Variants in RAB33B observed in about 807,000 individuals in gnomAD.
RAB33B encodes the protein RAB33B, member RAS oncogene family, also known as ras-related protein Rab-33B.
RAB33B carries 6 observed loss-of-function variants against 15.0 expected under a neutral mutation model. The observed-to-expected ratio is 0.40, with a 90% CI of 0.22 to 0.79. The LOEUF (loss-of-function observed/expected upper bound fraction) is 0.79. RAB33B is among the 30% of genes least tolerant of loss of function. The pLI is 0.37. For synonymous variants in RAB33B, 117 were observed against 108.3 expected (o/e 1.08, Z -0.50); for missense variants, 257 against 296.4 (o/e 0.87, Z 0.98).
chr4:139,457,920 A>G (rs1446608456), intron 1 of RAB33B, among the ~76,000 whole-genome samples: 1 of 152,108 alleles, frequency 6.6e-6, no homozygotes, highest in Non-Finnish European at 1.5e-5. Flanking sequence ...CACACTTTCT[A>G]TTAACTGTCT....
intron 1 of RAB33B, among the ~76,000 whole-genome samples, chr4:139,470,257 A>G (rs1216637616): frequency 6.6e-6 from 1 of 152,204 alleles, no homozygotes; most frequent in Non-Finnish European, 1.5e-5. Flanking sequence ...CTGGCACTCA[A>G]ACTGCATGAC....
At chr4:139,448,638 G>C (rs1302217832), upstream of RAB33B, 2 of 152,108 alleles carry the variant, frequency 1.3e-5, no homozygotes, top group Non-Finnish European at 2.9e-5. Flanking sequence ...GGCTGGTCCT[G>C]AACTCCTGAT....
chr4:139,442,099 T>G, the RAB33B span, among the ~76,000 whole-genome samples: 2 of 152,196 alleles, frequency 1.3e-5, no homozygotes, highest in Non-Finnish European at 1.5e-5. Context: ...AGCTTCCAAT[T>G]AGATGAATTT....
upstream of RAB33B, chr4:139,453,838 G>A (rs1749997924): frequency 5.4e-6 from 1 of 183,612 alleles, no homozygotes; most frequent in South Asian, 1.7e-4. Context: ...CCTTGGACGT[G>A]GCGGGGCTGG....
At chr4:139,456,570 T>C (rs1340979975) in intron 1 of RAB33B, among the ~76,000 whole-genome samples, 1 of 152,212 alleles carries the variant, frequency 6.6e-6, no homozygotes, top group African/African-American at 2.4e-5. Context: ...ATAATTCTGG[T>C]TGGGAAGAGC....
the RAB33B span, among the ~76,000 whole-genome samples, chr4:139,447,816 G>A: frequency 2.6e-5 from 4 of 151,556 alleles, no homozygotes; most frequent in Non-Finnish European, 4.4e-5. Flanking sequence ...ACAGGCGCCC[G>A]CCACTACGCC....
chr4:139,466,590 T>G (rs1403530816), intron 1 of RAB33B, among the ~76,000 whole-genome samples: 2 of 152,008 alleles, frequency 1.3e-5, no homozygotes, highest in Admixed American at 6.6e-5. Context: ...TTTTCTTTTT[T>G]TTTTTTGAGA....
At chr4:139,469,334 T>G (rs1021332328) in intron 1 of RAB33B, among the ~76,000 whole-genome samples, 2 of 152,200 alleles carry the variant, frequency 1.3e-5, no homozygotes, top group African/African-American at 4.8e-5. Flanking sequence ...CTTGATCAGT[T>G]CTGCTGTTAA....
At chr4:139,447,561 G>A in the RAB33B span, among the ~76,000 whole-genome samples, 78 of 152,084 alleles carry the variant, frequency 5.1e-4, no homozygotes, top group Non-Finnish European at 8.1e-4. Flanking sequence ...CTGGACACTT[G>A]GGGCTCCTCC....
intron 1 of RAB33B, among the ~76,000 whole-genome samples, chr4:139,463,782 C>T (rs1425445748): frequency 3.3e-5 from 5 of 152,234 alleles, no homozygotes; most frequent in Non-Finnish European, 4.4e-5. Flanking sequence ...CGTGTATTGG[C>T]TGGGTCTCTC....
chr4:139,464,365 A>G (rs1750233302), intron 1 of RAB33B, among the ~76,000 whole-genome samples: 1 of 139,596 alleles, frequency 7.2e-6, no homozygotes, highest in African/African-American at 2.6e-5. Context: ...TTTGAACGGG[A>G]TTGATGGGAA....
chr4:139,471,579 C>A (rs978686423), intron 1 of RAB33B, among the ~76,000 whole-genome samples: 3 of 144,884 alleles, frequency 2.1e-5, no homozygotes, highest in African/African-American at 7.8e-5. Context: ...CCTTGCGGGG[C>A]AGTTGGGGAC....
chr4:139,439,780 T>A, the RAB33B span, among the ~76,000 whole-genome samples: 3 of 152,236 alleles, frequency 2.0e-5, no homozygotes, highest in Non-Finnish European at 4.4e-5. Context: ...GTTTTCTGAC[T>A]CTTTCTTCTA....
chr4:139,469,158 C>T (rs1183736613), intron 1 of RAB33B, among the ~76,000 whole-genome samples: 1 of 152,174 alleles, frequency 6.6e-6, no homozygotes, highest in East Asian at 1.9e-4. Flanking sequence ...CTGTCTCTGT[C>T]TCTTTCTCTA....
At chr4:139,453,951 C>T, upstream of RAB33B, 1 of 378,296 alleles carries the variant, frequency 2.6e-6, no homozygotes, top group Non-Finnish European at 4.6e-6. Flanking sequence ...CGGCGCCAGC[C>T]CGAGTGACGC....
chr4:139,451,345 T>G (rs1749917927), upstream of RAB33B: 1 of 149,110 alleles, frequency 6.7e-6, no homozygotes, highest in African/African-American at 2.5e-5. Context: ...GAAGTAGAGG[T>G]GTACACAACC....
chr4:139,455,625 C>T (rs2111069259), intron 1 of RAB33B, among the ~76,000 whole-genome samples: 1 of 152,218 alleles, frequency 6.6e-6, no homozygotes, highest in Non-Finnish European at 1.5e-5. Context: ...CCCATATGAG[C>T]TCTCAGTGGT....
rs529499632 is a variant in RAB33B at position 139,475,674 on chromosome 4, T to G, written c.*2548T>G. ...AAAAATCTGTAGAATTTATTTTAACTATGACCTTTAATTGAAAATAAATAA... is the reference window on the plus strand; with the variant it reads ...AAAAATCTGTAGAATTTATTTTAACGATGACCTTTAATTGAAAATAAATAA... On this transcript the variant is annotated 3_prime_UTR_variant, in exon 2 of 2. Transcript: ENST00000305626. The G allele has an allele frequency of 2.6e-5, 4 of 152,278 alleles. No individual in the cohort carries two copies. In the South Asian group the frequency reaches 8.3e-4, roughly 32 times the overall value. 9.4% of individuals were successfully genotyped at this position (152,278 alleles called of 1,614,324 possible). A position where few individuals can be genotyped will look rare whatever the true frequency, so the allele number is the denominator to read the frequency against.
At chr4:139,470,955 C>T (rs137867347) in intron 1 of RAB33B, among the ~76,000 whole-genome samples, 3 of 152,242 alleles carry the variant, frequency 2.0e-5, no homozygotes, top group Non-Finnish European at 4.4e-5. Flanking sequence ...CTCTCCTCTC[C>T]TCAAATGGAG....
Sources: gnomAD v4.1 joint callset for allele counts (sites outside exome capture counted in the v4.1 genomes callset) on GRCh38, gnomAD v4.1.1 for gene constraint, MANE v1.5 for transcripts, NCBI Gene and HGNC (gene_info 2026-07-23, HGNC 2026-07-21) for gene names.